The following NFIA variants were observed in gnomAD, a reference collection of about 807,000 sequenced individuals.
NFIA encodes the protein nuclear factor 1 A-type.
NFIA carries 8 observed loss-of-function variants against 62.8 expected under a neutral mutation model. That is an observed-to-expected ratio of 0.13 (90% confidence interval 0.07 to 0.23). The LOEUF (loss-of-function observed/expected upper bound fraction) is 0.23, where lower values mean the gene tolerates loss of function less well. Ranked by LOEUF, NFIA falls within the 10% of genes least tolerant of loss-of-function variation. The pLI is 1.00. For missense variants in NFIA, 410 were observed against 642.1 expected (o/e 0.64, Z 3.91); for synonymous variants, 235 against 238.1 (o/e 0.99, Z 0.12).
chr1:61,321,426 G>A (rs972436222), intron 3 of NFIA, among the ~76,000 whole-genome samples: 5 of 151,866 alleles, frequency 3.3e-5, no homozygotes, highest in African/African-American at 4.8e-5. Context: ...AGGGAGGGAG[G>A]AAGGAAGGAA....
chr1:61,123,672 T>C (rs1460180769), intron 2 of NFIA, among the ~76,000 whole-genome samples: 5 of 140,464 alleles, frequency 3.6e-5, no homozygotes, highest in African/African-American at 5.3e-5. Context: ...TAAATCTTTA[T>C]TTATACAAAT....
chr1:61,345,698 T>C (rs1451747325), intron 4 of NFIA, among the ~76,000 whole-genome samples: 1 of 152,124 alleles, frequency 6.6e-6, no homozygotes, highest in Non-Finnish European at 1.5e-5. Context: ...AGGACCTGGG[T>C]TGCAGCCTCC....
intron 2 of NFIA, among the ~76,000 whole-genome samples, chr1:61,099,051 T>C (rs537291946): frequency 2.0e-5 from 3 of 152,320 alleles, no homozygotes; most frequent in African/African-American, 7.2e-5. Flanking sequence ...ACGACAAACA[T>C]GCAAAATGGA....
intron 2 of NFIA, among the ~76,000 whole-genome samples, chr1:61,225,379 T>C (rs867920693): frequency 2.0e-5 from 3 of 151,826 alleles, no homozygotes; most frequent in Non-Finnish European, 4.4e-5. Context: ...GCCTCCTGAG[T>C]AGCTGGGACT....
At chr1:61,245,239 A>G (rs2100649855) in intron 2 of NFIA, among the ~76,000 whole-genome samples, 1 of 152,294 alleles carries the variant, frequency 6.6e-6, no homozygotes, top group East Asian at 1.9e-4. Context: ...TGTATGCAGA[A>G]TTAAATTGAG....
At position 61,330,137 on chromosome 1, in the gene NFIA, C is replaced by G. The variant is rs555278196; in HGVS notation, c.626-2375C>G. ...GCAGTAGAAAATGGATTCGGCTTTG[C>G]GCATGTTGGTTCTAAGAATACCTGT... On this transcript the variant is annotated intron_variant, in intron 3 of 10. Coordinates refer to ENST00000403491, the MANE Select transcript of NFIA (RefSeq NM_001134673.4). Among the ~76,000 whole-genome samples the G allele has an allele frequency of 2.0e-5, 3 of 152,102 alleles. No individual in the cohort carries two copies. In the South Asian group the frequency reaches 6.2e-4, roughly 32 times the overall value.
intron 2 of NFIA, among the ~76,000 whole-genome samples, chr1:61,115,865 C>T (rs1485228934): frequency 6.6e-6 from 1 of 152,172 alleles, no homozygotes; most frequent in Non-Finnish European, 1.5e-5. Context: ...TGAAACCTCA[C>T]GTTCCCTCGA....
At chr1:61,267,291 C>G (rs1158391285) in intron 2 of NFIA, among the ~76,000 whole-genome samples, 2 of 152,132 alleles carry the variant, frequency 1.3e-5, no homozygotes, top group African/African-American at 4.8e-5. Context: ...GGTGGATCAC[C>G]TGAGGTCAGT....
At chr1:61,205,820 C>T (rs1652854365) in intron 2 of NFIA, among the ~76,000 whole-genome samples, 1 of 151,784 alleles carries the variant, frequency 6.6e-6, no homozygotes, top group African/African-American at 2.4e-5. Context: ...ACACAGGTTA[C>T]CATGTTTTAC....
At chr1:61,362,813 A>G (rs1356212463) in intron 6 of NFIA, among the ~76,000 whole-genome samples, 1 of 152,216 alleles carries the variant, frequency 6.6e-6, no homozygotes, top group Non-Finnish European at 1.5e-5. Flanking sequence ...TGGGTTAGAT[A>G]CGAAGCTTTG....
chr1:61,196,778 C>T (rs1307568817), intron 2 of NFIA, among the ~76,000 whole-genome samples: 1 of 151,944 alleles, frequency 6.6e-6, no homozygotes, highest in Non-Finnish European at 1.5e-5. Context: ...TGTTGATATC[C>T]AAAAATTAAC....
chr1:61,098,522 A>G (rs1646456510), intron 2 of NFIA, among the ~76,000 whole-genome samples: 1 of 152,218 alleles, frequency 6.6e-6, no homozygotes, highest in African/African-American at 2.4e-5. Context: ...AGTAGTTTCA[A>G]GTAACTTCTG....
intron 4 of NFIA, among the ~76,000 whole-genome samples, chr1:61,336,383 T>C (rs534452909): frequency 1.3e-5 from 2 of 152,182 alleles, no homozygotes; most frequent in South Asian, 4.1e-4. Context: ...TTAGGGCAGT[T>C]TTTTAGGTTT....
At chr1:61,231,521 T>G (rs992419960) in intron 2 of NFIA, among the ~76,000 whole-genome samples, 1 of 151,606 alleles carries the variant, frequency 6.6e-6, no homozygotes, top group African/African-American at 2.4e-5. Flanking sequence ...TATGTAAAAT[T>G]CAGATCCATT....
At chr1:61,188,004 A>G (rs1231528336) in intron 2 of NFIA, among the ~76,000 whole-genome samples, 1 of 152,030 alleles carries the variant, frequency 6.6e-6, no homozygotes, top group Non-Finnish European at 1.5e-5. Context: ...TGGTTTAGCC[A>G]GTTGTTAAAC....
intron 2 of NFIA, among the ~76,000 whole-genome samples, chr1:61,092,721 T>G (rs1223716475): frequency 6.6e-6 from 1 of 152,200 alleles, no homozygotes; most frequent in Non-Finnish European, 1.5e-5. Flanking sequence ...CAGGTGCATT[T>G]TAGTTTTATT....
intron 6 of NFIA, among the ~76,000 whole-genome samples, chr1:61,367,354 A>G (rs1434086199): frequency 6.6e-6 from 1 of 152,216 alleles, no homozygotes; most frequent in Non-Finnish European, 1.5e-5. Flanking sequence ...ACTAGCATAT[A>G]TTAGAGAAAA....
rs567825067 is a variant in NFIA, at chr1:61,356,256, C to T, written c.819-2891C>T. On this transcript the variant is annotated intron_variant, in intron 5 of 10. Coordinates refer to ENST00000403491, the MANE Select transcript of NFIA (RefSeq NM_001134673.4). ...ATAGTCATTTTCCCTGAAGATCTTACAGCCCCATCAGAACATATAGGCTTC... is the reference window on the plus strand; with the variant it reads ...ATAGTCATTTTCCCTGAAGATCTTATAGCCCCATCAGAACATATAGGCTTC... Among the ~76,000 whole-genome samples the T allele has an allele frequency of 4.6e-5, 7 of 152,326 alleles. No individual in the cohort carries two copies. The East Asian group carries it at 9.6e-4, about 21-fold the overall frequency.
At chr1:61,365,286 T>G (rs1228646791) in intron 6 of NFIA, among the ~76,000 whole-genome samples, 1 of 152,096 alleles carries the variant, frequency 6.6e-6, no homozygotes, top group Admixed American at 6.5e-5. Flanking sequence ...CATGTTACAC[T>G]TTGCAAAGCA....
Sources: gnomAD v4.1 joint callset for allele counts (sites outside exome capture counted in the v4.1 genomes callset) on GRCh38, gnomAD v4.1.1 for gene constraint, MANE v1.5 for transcripts, NCBI Gene and HGNC (gene_info 2026-07-23, HGNC 2026-07-21) for gene names.